DLGAP1: variants seen among roughly 807,000 people sequenced by gnomAD.
The protein encoded by DLGAP1 is DLG associated protein 1.
A neutral mutation model predicts 90.8 loss-of-function variants in DLGAP1; 11 were observed. The ratio of observed to expected loss-of-function variants is 0.12; its 90% CI spans 0.08 to 0.20. DLGAP1 has a LOEUF of 0.20. Ranked by LOEUF, DLGAP1 falls within the 10% of genes least tolerant of loss-of-function variation. The probability of loss-of-function intolerance (pLI) is 1.00; values close to 1 mark genes in which losing one functional copy is unlikely to be tolerated. For missense variants in DLGAP1, 1,050 were observed against 1,333.8 expected, an observed-to-expected ratio of 0.79 and a Z score of 3.31; for synonymous variants, 558 against 540.7, an observed-to-expected ratio of 1.03 and a Z score of -0.44.
intron 4 of DLGAP1, among the ~76,000 whole-genome samples, chr18:3,864,794 A>G (rs781712448): frequency 6.6e-6 from 1 of 152,138 alleles, no homozygotes; most frequent in Non-Finnish European, 1.5e-5. Flanking sequence ...AGCCACCTCT[A>G]AGGTGGCACA....
intron 7 of DLGAP1, among the ~76,000 whole-genome samples, chr18:3,600,739 GATATATAGAT>G (rs1555695382): frequency 0.055 from 617 of 11,210 alleles, 136 homozygotes; most frequent in African/African-American, 0.19. Flanking sequence ...GATATATATA[GATATATAGAT>G]ATATATAGAT....
At chr18:3,961,163 G>A (rs1157811400) in intron 3 of DLGAP1, among the ~76,000 whole-genome samples, 1 of 152,004 alleles carries the variant, frequency 6.6e-6, no homozygotes, top group Non-Finnish European at 1.5e-5. Flanking sequence ...GAAGGGCTCC[G>A]GAGCCCTGAG....
intron 7 of DLGAP1, among the ~76,000 whole-genome samples, chr18:3,659,394 TACAC>T (rs71366699): frequency 0.027 from 2,734 of 102,114 alleles, 49 homozygotes; most frequent in African/African-American, 0.039. Context: ...CATACATTTA[TACAC>T]ACACACACAC....
chr18:3,771,839 A>G (rs2064566382), intron 5 of DLGAP1, among the ~76,000 whole-genome samples: 1 of 91,764 alleles, frequency 1.1e-5, no homozygotes, highest in African/African-American at 5.0e-5. Context: ...CCTAGCTCTG[A>G]AAAAAAAAAA....
rs1330027887 is a variant in DLGAP1, at chr18:4,242,021, A to G, written c.-266-90734T>C. On this transcript the variant is annotated intron_variant, in intron 1 of 12. Transcript: ENST00000315677. ...ATCTGGGATGGTCATCTGCCATTAT[A>G]TAGAAAAATGATACATTATTTTGCT... Among the ~76,000 whole-genome samples the G allele has an allele frequency of 2.6e-5, 4 of 152,280 alleles. No individual in the cohort carries two copies. In the East Asian group the frequency reaches 7.7e-4, roughly 29 times the overall value.
chr18:3,706,377 G>A (rs1598410133), intron 7 of DLGAP1, among the ~76,000 whole-genome samples: 1 of 152,126 alleles, frequency 6.6e-6, no homozygotes, highest in East Asian at 1.9e-4. Context: ...GAAGCTTGCA[G>A]GGTGATGGAC....
chr18:4,014,756 C>A (rs926040844), intron 2 of DLGAP1, among the ~76,000 whole-genome samples: 2 of 152,104 alleles, frequency 1.3e-5, no homozygotes, highest in African/African-American at 4.8e-5. Context: ...TAGACTAGAG[C>A]CATTCTGGAC....
At chr18:3,515,884 A>G (rs756009536) in intron 10 of DLGAP1, among the ~76,000 whole-genome samples, 3 of 152,104 alleles carry the variant, frequency 2.0e-5, no homozygotes, top group Non-Finnish European at 4.4e-5. Flanking sequence ...TCATTTCAAC[A>G]GTGTTCGCAG....
At chr18:4,241,310 A>G (rs1482014726) in intron 1 of DLGAP1, among the ~76,000 whole-genome samples, 1 of 152,170 alleles carries the variant, frequency 6.6e-6, no homozygotes, top group East Asian at 1.9e-4. Context: ...TAGGCCCCTC[A>G]GTTCGCATTT....
At position 3,800,775 on chromosome 18, in the gene DLGAP1, A is replaced by C. The variant is rs180689123; in HGVS notation, c.1172+13284T>G. Among the ~76,000 whole-genome samples the C allele has an allele frequency of 9.2e-5, 14 of 152,312 alleles. No individual in the cohort carries two copies. In the East Asian group the frequency reaches 2.5e-3, roughly 27 times the overall value. ...TTCCCATTATTTCTAAATAAAAAAG[A>C]GACATGTGGGTATGGTGTATATTGG... is the stretch of plus-strand genomic sequence containing the variant. On this transcript the variant is annotated intron_variant, in intron 5 of 12. Coordinates refer to ENST00000315677, the MANE Select transcript of DLGAP1 (RefSeq NM_004746.4).
At chr18:4,060,211 G>C (rs911514663) in intron 2 of DLGAP1, among the ~76,000 whole-genome samples, 4 of 152,170 alleles carry the variant, frequency 2.6e-5, no homozygotes, top group Non-Finnish European at 4.4e-5. Flanking sequence ...GGCAACTCTG[G>C]AGTTGGGAAG....
chr18:3,905,260 G>A (rs1340832466), intron 3 of DLGAP1, among the ~76,000 whole-genome samples: 6 of 150,084 alleles, frequency 4.0e-5, no homozygotes, highest in Non-Finnish European at 7.4e-5. Flanking sequence ...CCAGCTACTC[G>A]GGAGGCTGAG....
intron 1 of DLGAP1, among the ~76,000 whole-genome samples, chr18:4,170,131 A>C (rs1198436987): frequency 6.6e-6 from 1 of 152,146 alleles, no homozygotes; most frequent in Non-Finnish European, 1.5e-5. Context: ...GGTTTAGAGG[A>C]AGCCAGTAGC....
intron 1 of DLGAP1, among the ~76,000 whole-genome samples, chr18:4,402,613 T>C (rs1451563816): frequency 6.6e-6 from 1 of 152,006 alleles, no homozygotes; most frequent in Non-Finnish European, 1.5e-5. Context: ...TCAAAGCCAA[T>C]TTTTTTTAAC....
At chr18:4,311,276 CT>C (rs1296378588) in intron 1 of DLGAP1, among the ~76,000 whole-genome samples, 1 of 152,100 alleles carries the variant, frequency 6.6e-6, no homozygotes. Context: ...AAGGCAAAAT[CT>C]TTTTACCCTC....
intron 1 of DLGAP1, among the ~76,000 whole-genome samples, chr18:4,433,110 A>G (rs1458987747): frequency 6.6e-6 from 1 of 152,184 alleles, no homozygotes; most frequent in Non-Finnish European, 1.5e-5. Flanking sequence ...ATTTGACTTT[A>G]AAATCAAAGT....
chr18:3,598,932 C>A (rs1194884459), intron 7 of DLGAP1, among the ~76,000 whole-genome samples: 2 of 151,934 alleles, frequency 1.3e-5, no homozygotes, highest in Non-Finnish European at 2.9e-5. Flanking sequence ...GCCACCACAC[C>A]CGGCTAATGT....
chr18:4,348,648 T>TAGCGGGATGAAGAAATGG (rs2081349047), intron 1 of DLGAP1, among the ~76,000 whole-genome samples: 1 of 152,006 alleles, frequency 6.6e-6, no homozygotes, highest in African/African-American at 2.4e-5. Flanking sequence ...GGGTAGATAT[T>TAGCGGGATGAAGAAATGG]AGCGGGATGA....
At chr18:4,218,113 T>C (rs1362926984) in intron 1 of DLGAP1, among the ~76,000 whole-genome samples, 1 of 135,248 alleles carries the variant, frequency 7.4e-6, no homozygotes, top group Non-Finnish European at 1.6e-5. Flanking sequence ...TCTGTTAGAA[T>C]TTTTTTTTTT....
Sources: allele counts gnomAD v4.1 joint callset (sites outside exome capture counted in the v4.1 genomes callset), GRCh38; gene constraint gnomAD v4.1.1; transcripts MANE v1.5; gene names NCBI Gene and HGNC (gene_info 2026-07-23, HGNC 2026-07-21).